The following CA8 variants were observed in gnomAD, a reference collection of about 807,000 sequenced individuals.
CA8 encodes carbonic anhydrase-related protein.
In CA8, 22 loss-of-function variants were observed where a neutral mutation model predicts 41.4. The observed-to-expected ratio is 0.53, with a 90% confidence interval of 0.38 to 0.76. The LOEUF (loss-of-function observed/expected upper bound fraction) is 0.76. Ranked by LOEUF, CA8 falls within the 30% of genes least tolerant of loss-of-function variation. CA8 has a pLI of 0.00. For synonymous variants in CA8, 121 were observed against 130.6 expected (o/e 0.93, Z 0.50); for missense variants, 270 against 352.8 (o/e 0.77, Z 1.88).
At chr8:60,229,748 C>A (rs1807575320) in intron 4 of CA8, among the ~76,000 whole-genome samples, 1 of 152,216 alleles carries the variant, frequency 6.6e-6, no homozygotes, top group Non-Finnish European at 1.5e-5. Flanking sequence ...CTCCCCTTCA[C>A]TGATCACCAG....
intron 3 of CA8, among the ~76,000 whole-genome samples, chr8:60,252,778 T>A (rs2130554594): frequency 6.6e-6 from 1 of 152,316 alleles, no homozygotes; most frequent in East Asian, 1.9e-4. Flanking sequence ...GTTCAGATTT[T>A]CACATTTGGG....
Position 60,229,160 on chromosome 8 carries a change from G to GTTT in CA8, c.514-2228_514-2226dup, listed in dbSNP as rs11461598. The stretch of plus-strand genomic sequence containing the variant: ...CTGGCATCTCAGCCCTGAACCACCT[G>GTTT]TTTTTTTTTTGTTTTTTACTTCTAA... On this transcript the variant is annotated intron_variant, in intron 4 of 8. Transcript: ENST00000317995. Among the ~76,000 whole-genome samples, 246 of 149,474 alleles carry GTTT rather than the reference G, an allele frequency of 1.6e-3. 2 individuals carry two copies. The highest frequency in any genetic ancestry group is 5.7e-3 in the African/African-American group (234 of 40,706).
intron 3 of CA8, among the ~76,000 whole-genome samples, chr8:60,264,006 C>A (rs1216957617): frequency 6.6e-6 from 1 of 152,202 alleles, no homozygotes; most frequent in Non-Finnish European, 1.5e-5. Flanking sequence ...TCATAGTCAG[C>A]AATTCCATTA....
chr8:60,255,002 T>C (rs909224445), intron 3 of CA8, among the ~76,000 whole-genome samples: 14 of 152,314 alleles, frequency 9.2e-5, no homozygotes, highest in African/African-American at 2.6e-4. Context: ...GTCCTCTTGC[T>C]AGCGTCCAGT....
At chr8:60,217,962 G>A (rs1331813988) in intron 7 of CA8, among the ~76,000 whole-genome samples, 1 of 152,110 alleles carries the variant, frequency 6.6e-6, no homozygotes, top group Non-Finnish European at 1.5e-5. Flanking sequence ...ACATTTCTGT[G>A]ATTCTTTGCT....
At chr8:60,214,591 A>G (rs921457720) in intron 7 of CA8, among the ~76,000 whole-genome samples, 1 of 152,176 alleles carries the variant, frequency 6.6e-6, no homozygotes, top group Non-Finnish European at 1.5e-5. Flanking sequence ...TCGATTCCAT[A>G]TGGAGCATGA....
chr8:60,281,109 G>A lies in CA8; in HGVS notation c.39C>T (p.Phe13=). 2 of 1,601,024 alleles carry A rather than the reference G, an allele frequency of 1.2e-6. No homozygotes were observed. The highest frequency in any genetic ancestry group is 8.5e-7 in the Non-Finnish European group (1 of 1,175,122). Residue 13 remains phenylalanine, a synonymous_variant, in exon 1 of 9, where the codon TTC becomes TTT. Coordinates refer to ENST00000317995, the MANE Select transcript of CA8 (RefSeq NM_004056.6). ...DLSFIEDTVA[F]PEKEEDEEEE... is the part of the protein sequence containing the mutation. ...CCTCCTCATCCTCTTCCTTCTCGGG[G>A]AAGGCGACGGTATCTTCGATGAAGC...
At chr8:60,213,969 A>G (rs929374755) in intron 7 of CA8, among the ~76,000 whole-genome samples, 3 of 152,168 alleles carry the variant, frequency 2.0e-5, no homozygotes, top group Admixed American at 2.0e-4. Context: ...TCCTCCCAGA[A>G]TAAAAGTTTA....
rs138078146 is a variant in CA8 at position 60,220,326 on chromosome 8, A to T, written c.738+2323T>A. ...GGAAGCCAAAACTCAGCAACAGAGG[A>T]GGATACTAAAACCAGAATCAAGCAG... is the stretch of plus-strand genomic sequence containing the variant. On this transcript the variant is annotated intron_variant, in intron 7 of 8. Transcript: ENST00000317995. 2.5e-4 allele frequency among the ~76,000 whole-genome samples: 38 copies of T among 152,278 alleles called. 1 individual carries two copies. The highest frequency in any genetic ancestry group is 7.5e-4 in the African/African-American group (31 of 41,546).
intron 3 of CA8, among the ~76,000 whole-genome samples, chr8:60,250,238 C>A (rs920341070): frequency 6.6e-6 from 1 of 152,224 alleles, no homozygotes; most frequent in African/African-American, 2.4e-5. Context: ...AAATCTCATT[C>A]TCTGACCTCT....
intron 2 of CA8, among the ~76,000 whole-genome samples, chr8:60,271,381 A>C (rs756610648): frequency 2.6e-5 from 4 of 152,174 alleles, no homozygotes; most frequent in African/African-American, 9.7e-5. Context: ...AGAAGGAAAA[A>C]GAAGTTCAGC....
intron 3 of CA8, among the ~76,000 whole-genome samples, chr8:60,257,088 T>C (rs1396037765): frequency 6.6e-6 from 1 of 152,076 alleles, no homozygotes; most frequent in Non-Finnish European, 1.5e-5. Flanking sequence ...TCAAGCGATA[T>C]CGTGCCTTAG....
chr8:60,211,347 A>T (rs1806829467), intron 7 of CA8, among the ~76,000 whole-genome samples: 2 of 152,226 alleles, frequency 1.3e-5, no homozygotes, highest in Admixed American at 1.3e-4. Context: ...ATAATAAACC[A>T]ATAATTTCAC....
chr8:60,276,990 G>A (rs749428743), intron 2 of CA8, among the ~76,000 whole-genome samples: 1 of 151,868 alleles, frequency 6.6e-6, no homozygotes, highest in African/African-American at 2.4e-5. Flanking sequence ...GTGGTGGCGG[G>A]CGCCTGTAAT....
intron 8 of CA8, among the ~76,000 whole-genome samples, chr8:60,199,930 T>G (rs1170048935): frequency 6.6e-6 from 1 of 152,206 alleles, no homozygotes; most frequent in East Asian, 1.9e-4. Flanking sequence ...AATAGCATGT[T>G]TCTCACCCTT....
intron 7 of CA8, among the ~76,000 whole-genome samples, chr8:60,216,803 G>A (rs1441038076): frequency 6.6e-6 from 1 of 152,156 alleles, no homozygotes; most frequent in African/African-American, 2.4e-5. Context: ...AATCCTTAAA[G>A]GAATTCTAGG....
intron 3 of CA8, among the ~76,000 whole-genome samples, chr8:60,247,105 G>T (rs532336983): frequency 1.3e-5 from 2 of 151,888 alleles, no homozygotes; most frequent in East Asian, 1.9e-4. Flanking sequence ...GGATGATCTC[G>T]ATCTCCTGAC....
intron 3 of CA8, among the ~76,000 whole-genome samples, chr8:60,262,268 T>C (rs113357400): frequency 3.4e-5 from 5 of 147,402 alleles, no homozygotes; most frequent in African/African-American, 1.3e-4. Flanking sequence ...GAAGTTAATG[T>C]GAAGGGAATA....
chr8:60,186,869 A>G lies in CA8; in HGVS notation c.*3152T>C, dbSNP rs1563513340. 1.3e-5 allele frequency among the ~76,000 whole-genome samples: 2 copies of G among 152,208 alleles called. No homozygotes were observed. The highest frequency in any genetic ancestry group is 4.1e-4 in the South Asian group (2 of 4,824). The stretch of plus-strand genomic sequence containing the variant: ...AAAAAACTGACAGAATTGAAGGAAG[A>G]GATTATTCAACAACAGTCAGAGAAT... On this transcript the variant is annotated 3_prime_UTR_variant, in exon 9 of 9. Transcript: ENST00000317995.
Sources: allele counts gnomAD v4.1 joint callset (sites outside exome capture counted in the v4.1 genomes callset), GRCh38; gene constraint gnomAD v4.1.1; transcripts MANE v1.5; gene names NCBI Gene and HGNC (gene_info 2026-07-23, HGNC 2026-07-21).